The following RYR1 variants were observed in gnomAD, a reference collection of about 807,000 sequenced individuals.
The protein encoded by RYR1 is central core disease of muscle.
A neutral mutation model predicts 583.5 loss-of-function variants in RYR1; 342 were observed. The observed-to-expected ratio is 0.59, with a 90% CI of 0.54 to 0.64. RYR1 has a LOEUF of 0.64. Ranked by LOEUF, RYR1 falls within the 30% of genes least tolerant of loss-of-function variation. The pLI, the probability that RYR1 is intolerant of heterozygous loss-of-function variation, is 0.00. For synonymous variants in RYR1, 2,791 were observed against 2,822.5 expected, an observed-to-expected ratio of 0.99 and a Z score of 0.35; for missense variants, 6,032 against 6,917.2, an observed-to-expected ratio of 0.87 and a Z score of 4.54.
At chr19:38,570,167 A>G (rs1973649504) in intron 93 of RYR1, among the ~76,000 whole-genome samples, 2 of 151,798 alleles carry the variant, frequency 1.3e-5, no homozygotes, top group Non-Finnish European at 2.9e-5. Context: ...TCTCAAAAAT[A>G]AATAAATAGG....
In RYR1 at chr19:38,494,546, G is replaced by A. The variant is rs554066182; in HGVS notation, c.6469G>A (p.Glu2157Lys). 1.7e-5 allele frequency: 28 copies of A among 1,614,062 alleles called. No homozygotes were observed. Among genetic ancestry groups the A allele is most frequent in the African/African-American group, 8.0e-5 (6 of 75,066 alleles). Reference protein sequence around the residue: ...SSVEDTMSLLECLGQIRSLLI... With the variant: ...SSVEDTMSLLKCLGQIRSLLI... ...CGTGGAAGACACCATGAGCCTGCTC[G>A]AGTGCCTCGGCCAGATCCGCTCGCT... Residue 2157 changes from glutamate (E) to lysine (K), a missense_variant, in exon 39 of 106, where the codon GAG becomes AAG. Transcript: ENST00000359596.
rs1201969860 is a variant in RYR1 at position 38,502,786 on chromosome 19, C to T, written c.7835+59C>T. ...GCAGGGGCAGGGGCAGGGGCAGGGG[C>T]AGGGGCAGGGGCAGGGGCAGGGGGA... On this transcript the variant is annotated intron_variant, in intron 48 of 105. Coordinates refer to ENST00000359596, the MANE Select transcript of RYR1 (RefSeq NM_000540.3). 7 of 637,276 alleles carry T rather than the reference C, an allele frequency of 1.1e-5. No individual in the cohort carries two copies. The African/African-American group carries it at 1.2e-4, about 10-fold the overall frequency. 39.5% of individuals were successfully genotyped at this position (637,276 alleles called of 1,614,324 possible).
At position 38,587,508 on chromosome 19, in the gene RYR1, A is replaced by C; in HGVS notation, c.*88A>C. The C allele has an allele frequency of 1.1e-6, 1 of 937,998 alleles. No individual in the cohort carries two copies. Among genetic ancestry groups the C allele is most frequent in the Admixed American group, 1.9e-5 (1 of 54,024 alleles). 58.1% of individuals were successfully genotyped at this position (937,998 alleles called of 1,614,324 possible). A position where few individuals can be genotyped will look rare whatever the true frequency, so the allele number is the denominator to read the frequency against. ...GTCCCCAAGCCCCTCCCCCTAAGGC[A>C]GCTGGGGGAGAGGTGACCTAGTACT... On this transcript the variant is annotated 3_prime_UTR_variant, in exon 106 of 106. Coordinates refer to ENST00000359596, the MANE Select transcript of RYR1 (RefSeq NM_000540.3).
At position 38,587,555 on chromosome 19, in the gene RYR1, C is replaced by T. The variant is rs188314477; in HGVS notation, c.*135C>T. On this transcript the variant is annotated 3_prime_UTR_variant, in exon 106 of 106. Coordinates refer to ENST00000359596, the MANE Select transcript of RYR1 (RefSeq NM_000540.3). ...TACTGGAAAATAAATCTGTGCTACG[C>T]CCCCCAGCATCACTGTGTTGGCCTG... The T allele has an allele frequency of 1.7e-3, 1,287 of 775,562 alleles. 3 individuals are homozygous for T. The highest frequency in any genetic ancestry group is 3.6e-3 in the Middle Eastern group (16 of 4,384). 48.0% of individuals were successfully genotyped at this position (775,562 alleles called of 1,614,324 possible). A position where few individuals can be genotyped will look rare whatever the true frequency, so the allele number is the denominator to read the frequency against.
At chr19:38,449,320 C>T (rs546956789) in intron 11 of RYR1, among the ~76,000 whole-genome samples, 19 of 151,722 alleles carry the variant, frequency 1.3e-4, no homozygotes, top group East Asian at 3.9e-4. Flanking sequence ...ATTAGCCAGG[C>T]GTGGTGGCAG....
intron 27 of RYR1, among the ~76,000 whole-genome samples, chr19:38,471,893 C>T (rs1229382891): frequency 8.2e-6 from 1 of 121,664 alleles, no homozygotes; most frequent in Non-Finnish European, 1.6e-5. Flanking sequence ...CAGCGAGACT[C>T]TGTCTCAAAA....
At chr19:38,567,484 T>G (rs1258391670) in intron 92 of RYR1, among the ~76,000 whole-genome samples, 1 of 152,078 alleles carries the variant, frequency 6.6e-6, no homozygotes, top group Non-Finnish European at 1.5e-5. Flanking sequence ...GACCCCCTCC[T>G]AAGTTGAGGA....
intron 24 of RYR1, among the ~76,000 whole-genome samples, chr19:38,466,839 G>A (rs1035219564): frequency 6.6e-6 from 1 of 152,064 alleles, no homozygotes; most frequent in African/African-American, 2.4e-5. Context: ...AGACTGACCA[G>A]GAGGTCAGAA....
At chr19:38,460,779 A>T (rs1600692952) in intron 20 of RYR1, among the ~76,000 whole-genome samples, 188 bp downstream of exon 20, 1 of 152,142 alleles carries the variant, frequency 6.6e-6, no homozygotes, top group Admixed American at 6.5e-5. Context: ...GGAGTTCAAG[A>T]CCAGCCTGGC....
intron 1 of RYR1, among the ~76,000 whole-genome samples, chr19:38,439,186 AT>A (rs77428971): frequency 0.029 from 4,281 of 146,160 alleles, 69 homozygotes; most frequent in South Asian, 0.04. Context: ...TACCATTACT[AT>A]TTTTTTTTTT....
At chr19:38,568,045 G>A in intron 93 of RYR1, 128 bp downstream of exon 93, 2 of 1,135,198 alleles carry the variant, frequency 1.8e-6, no homozygotes, top group Non-Finnish European at 2.6e-6. Flanking sequence ...AACCCTAGCT[G>A]GGGAAAGGGC....
At chr19:38,439,103 A>C (rs1972556476) in intron 1 of RYR1, among the ~76,000 whole-genome samples, 1 of 152,146 alleles carries the variant, frequency 6.6e-6, no homozygotes, top group Admixed American at 6.5e-5. Context: ...GCTCAACCAA[A>C]GTCTGTTAAA....
rs1601003822 is a variant in RYR1, at chr19:38,548,330, C to T, written c.12192C>T (p.Phe4064=). 1 of 1,614,206 alleles carries T rather than the reference C, an allele frequency of 6.2e-7. No homozygotes were observed. The highest frequency in any genetic ancestry group is 8.5e-7 in the Non-Finnish European group (1 of 1,180,048). ...TGATCCTCAAGTTCTTCGACATGTT[C>T]CTGAAACTCAAGGACATTGTGGGCT... ...VEMILKFFDM[F]LKLKDIVGSE... is the part of the protein sequence containing the mutation. The change falls in exon 89 of 106, where the codon TTC becomes TTT. Residue 4064 remains phenylalanine, a synonymous_variant. Coordinates refer to ENST00000359596, the MANE Select transcript of RYR1 (RefSeq NM_000540.3).
chr19:38,549,033 G>A (rs2145792602), intron 89 of RYR1, among the ~76,000 whole-genome samples: 1 of 152,204 alleles, frequency 6.6e-6, no homozygotes, highest in South Asian at 2.1e-4. Flanking sequence ...TCTGTGTAGG[G>A]CCTGTAGTGA....
rs2145725120 is a variant in RYR1, at chr19:38,529,031, C to T, written c.11115C>T (p.Phe3705=). 1.9e-6 allele frequency: 3 copies of T among 1,613,938 alleles called. No homozygotes were observed. Among genetic ancestry groups the T allele is most frequent in the Admixed American group, 3.3e-5 (2 of 60,012 alleles). The part of the protein sequence containing the change: ...PDPLHQLVLH[F]SRTALTEKSK... ...CCCTGCACCAGTTGGTCCTGCACTT[C>T]AGCCGCACTGCCCTGACGGAAAAGA... is the stretch of plus-strand genomic sequence containing the variant. The change falls in exon 76 of 106, where the codon TTC becomes TTT. Residue 3705 remains phenylalanine (F), a synonymous_variant. Transcript: ENST00000359596.
chr19:38,574,410 G>T (rs2145877395), intron 96 of RYR1, among the ~76,000 whole-genome samples: 1 of 151,936 alleles, frequency 6.6e-6, no homozygotes, highest in East Asian at 1.9e-4. Flanking sequence ...TTGTGCCCAG[G>T]AGTTCAAGAC....
chr19:38,469,575 CTCT>C, intron 27 of RYR1, 62 bp downstream of exon 27: 3 of 1,498,934 alleles, frequency 2.0e-6, no homozygotes, highest in Non-Finnish European at 1.9e-6. Flanking sequence ...TTCCACAGTG[CTCT>C]TCTTTGAGTT....
In RYR1 at chr19:38,506,325, A is replaced by G. The variant is rs1432899779; in HGVS notation, c.8564A>G (p.Tyr2855Cys). 6.2e-7 allele frequency: 1 copy of G among 1,613,564 alleles called. No individual in the cohort carries two copies. The highest frequency in any genetic ancestry group is 2.2e-5 in the East Asian group (1 of 44,852). ...CAGACCTATGATCCTCGAGAAGGCT[A>G]CAACCCTCAGCCCCCCGACCTTAGT... ...SAQTYDPREGYNPQPPDLSAV... is the reference protein window; with the variant it reads ...SAQTYDPREGCNPQPPDLSAV... Residue 2855 changes from tyrosine (Y) to cysteine (C), a missense_variant, in exon 55 of 106, where the codon TAC (tyrosine) becomes TGC (cysteine). By Grantham distance (194) the Tyr-to-Cys change is radical. Coordinates refer to ENST00000359596, the MANE Select transcript of RYR1 (RefSeq NM_000540.3).
In RYR1 at chr19:38,473,790, A is replaced by G. The variant is rs1252866697; in HGVS notation, c.4160+19A>G. 5 of 1,495,500 alleles carry G rather than the reference A, an allele frequency of 3.3e-6. No individual in the cohort carries two copies. The Admixed American group carries it at 9.5e-5, about 29-fold the overall frequency. The allele number at this position is 1,495,500 out of a possible 1,614,324, so 92.6% of individuals were successfully genotyped here. ...AGAGAGGGTGAGTCGAGGGGGGCCC[A>G]GAGTGGGGATTGGGGGCTGCCTTGG... On this transcript the variant is annotated intron_variant, in intron 28 of 105. Transcript: ENST00000359596.
Sources: allele counts gnomAD v4.1 joint callset (sites outside exome capture counted in the v4.1 genomes callset), GRCh38; gene constraint gnomAD v4.1.1; transcripts MANE v1.5; gene names NCBI Gene and HGNC (gene_info 2026-07-23, HGNC 2026-07-21).